SYT1: variants seen among roughly 807,000 people sequenced by gnomAD.
SYT1 encodes the protein synaptotagmin-1.
In SYT1, 8 loss-of-function variants were observed where a neutral mutation model predicts 44.8. The observed-to-expected ratio is 0.18, with a 90% CI of 0.10 to 0.32. The LOEUF (loss-of-function observed/expected upper bound fraction) is 0.32, where lower values mean the gene tolerates loss of function less well. SYT1 is among the 10% of genes least tolerant of loss of function. The probability of loss-of-function intolerance (pLI) is 1.00; values close to 1 mark genes in which losing one functional copy is unlikely to be tolerated. For missense variants in SYT1, 286 were observed against 509.3 expected, an observed-to-expected ratio of 0.56 and a Z score of 4.22; for synonymous variants, 154 against 188.8, an observed-to-expected ratio of 0.82 and a Z score of 1.51.
intron 9 of SYT1, among the ~76,000 whole-genome samples, chr12:79,368,412 C>A (rs1377981315): frequency 6.6e-6 from 1 of 151,918 alleles, no homozygotes; most frequent in Non-Finnish European, 1.5e-5. Flanking sequence ...GGTATATACC[C>A]AGTAATGGGA....
intron 2 of SYT1, among the ~76,000 whole-genome samples, chr12:79,011,220 T>A (rs1319474491): frequency 6.6e-6 from 1 of 152,216 alleles, no homozygotes; most frequent in Non-Finnish European, 1.5e-5. Flanking sequence ...GCATATTTTT[T>A]CATGCAATAA....
At chr12:79,217,154 T>C (rs1874857028) in intron 3 of SYT1, among the ~76,000 whole-genome samples, 1 of 152,238 alleles carries the variant, frequency 6.6e-6, no homozygotes, top group South Asian at 2.1e-4. Context: ...ATGTATTTCA[T>C]CAAGAATTGT....
intron 2 of SYT1, among the ~76,000 whole-genome samples, chr12:79,009,782 C>T (rs941666670): frequency 6.6e-6 from 1 of 152,164 alleles, no homozygotes; most frequent in Non-Finnish European, 1.5e-5. Flanking sequence ...CCATCAATAT[C>T]AATTCCATTT....
At chr12:79,416,737 TC>T (rs1868764552) in intron 9 of SYT1, among the ~76,000 whole-genome samples, 6 of 152,196 alleles carry the variant, frequency 3.9e-5, no homozygotes, top group Admixed American at 2.6e-4. Context: ...TGTTAATATT[TC>T]AAACAGCAAA....
At chr12:78,987,422 T>C (rs1233880215) in intron 2 of SYT1, among the ~76,000 whole-genome samples, 4 of 152,032 alleles carry the variant, frequency 2.6e-5, no homozygotes, top group Admixed American at 1.3e-4. Context: ...GAACATTAGT[T>C]AGACCTTTTC....
At chr12:79,328,670 C>A (rs1338328214) in intron 8 of SYT1, among the ~76,000 whole-genome samples, 1 of 152,014 alleles carries the variant, frequency 6.6e-6, no homozygotes, top group African/African-American at 2.4e-5. Context: ...CACAGTGAAA[C>A]CCCGTCTCTA....
chr12:79,402,236 G>A (rs1217642335), intron 9 of SYT1, among the ~76,000 whole-genome samples: 1 of 152,152 alleles, frequency 6.6e-6, no homozygotes, highest in Admixed American at 6.6e-5. Context: ...CTAGGGAACA[G>A]TAGCTCCTCT....
At chr12:78,931,272 A>G (rs1592574541) in intron 1 of SYT1, among the ~76,000 whole-genome samples, 1 of 88,750 alleles carries the variant, frequency 1.1e-5, no homozygotes, top group African/African-American at 4.4e-5. Flanking sequence ...GGAAGGAAGG[A>G]AGGAAGGAAG....
intron 9 of SYT1, among the ~76,000 whole-genome samples, chr12:79,416,621 A>C (rs767417098): frequency 1.1e-4 from 17 of 152,170 alleles, no homozygotes; most frequent in Non-Finnish European, 2.2e-4. Context: ...ATAATACACT[A>C]AGGCTTCTCA....
intron 5 of SYT1, among the ~76,000 whole-genome samples, chr12:79,290,426 T>C (rs1260704186): frequency 1.3e-5 from 2 of 152,170 alleles, no homozygotes; most frequent in Non-Finnish European, 2.9e-5. Context: ...TTCCTGAGAA[T>C]GCTGAACACA....
intron 3 of SYT1, among the ~76,000 whole-genome samples, chr12:79,061,670 A>G (rs1224233801): frequency 6.6e-6 from 1 of 152,198 alleles, no homozygotes; most frequent in African/African-American, 2.4e-5. Context: ...GCCAGCAGGT[A>G]GACATAGCTT....
intron 10 of SYT1, among the ~76,000 whole-genome samples, chr12:79,445,990 CAT>C (rs59721146): frequency 0.23 from 9,973 of 43,228 alleles, 596 homozygotes; most frequent in Non-Finnish European, 0.27. Context: ...AATCCAAAGA[CAT>C]ATATATATAT....
intron 1 of SYT1, among the ~76,000 whole-genome samples, chr12:78,902,924 G>A (rs1326899070): frequency 6.6e-6 from 1 of 152,074 alleles, no homozygotes; most frequent in East Asian, 1.9e-4. Flanking sequence ...TCATTTGTGA[G>A]ATTATGTACT....
chr12:78,997,228 C>CA (rs918412294), intron 2 of SYT1, among the ~76,000 whole-genome samples: 1 of 152,162 alleles, frequency 6.6e-6, no homozygotes, highest in Non-Finnish European at 1.5e-5. Flanking sequence ...GTTCTTAGAA[C>CA]AAAAACATGG....
At chr12:79,171,496 A>G (rs1871520245) in intron 3 of SYT1, among the ~76,000 whole-genome samples, 2 of 151,998 alleles carry the variant, frequency 1.3e-5, no homozygotes, top group South Asian at 2.1e-4. Context: ...TGCTCCTACT[A>G]AATAACTATA....
chr12:79,069,802 G>C (rs1335511331), intron 3 of SYT1, among the ~76,000 whole-genome samples: 2 of 152,152 alleles, frequency 1.3e-5, no homozygotes, highest in East Asian at 3.9e-4. Flanking sequence ...TGGGAGTAAA[G>C]TGTTTGGGTG....
At chr12:79,002,502 C>T (rs1200243704) in intron 2 of SYT1, among the ~76,000 whole-genome samples, 1 of 151,876 alleles carries the variant, frequency 6.6e-6, no homozygotes, top group Non-Finnish European at 1.5e-5. Context: ...AATGTCTCAT[C>T]ATTTCACATT....
intron 2 of SYT1, among the ~76,000 whole-genome samples, chr12:79,009,601 G>T (rs371740856): frequency 6.6e-6 from 1 of 152,186 alleles, no homozygotes; most frequent in Non-Finnish European, 1.5e-5. Flanking sequence ...AATTATCCCC[G>T]TTTTACTGAT....
chr12:79,348,830 G>A (rs1201239694), intron 8 of SYT1, among the ~76,000 whole-genome samples: 1 of 150,334 alleles, frequency 6.7e-6, no homozygotes, highest in East Asian at 2.0e-4. Context: ...ATCATATAGA[G>A]ATGGTGCTCA....
Sources: gnomAD v4.1 joint callset for allele counts (sites outside exome capture counted in the v4.1 genomes callset) on GRCh38, gnomAD v4.1.1 for gene constraint, MANE v1.5 for transcripts, NCBI Gene and HGNC (gene_info 2026-07-23, HGNC 2026-07-21) for gene names.